TRIO: variants seen among roughly 807,000 people sequenced by gnomAD.
TRIO encodes the protein trio Rho guanine nucleotide exchange factor.
In TRIO, 58 loss-of-function variants were observed where a neutral mutation model predicts 351.9. The ratio of observed to expected loss-of-function variants is 0.16; its 90% CI spans 0.13 to 0.21. The LOEUF is 0.21. Ranked by LOEUF, TRIO falls within the 10% of genes least tolerant of loss-of-function variation. TRIO has a pLI of 1.00. For missense variants in TRIO, 3,201 were observed against 4,027.8 expected, an observed-to-expected ratio of 0.79 and a Z score of 5.56; for synonymous variants, 1,758 against 1,595.7, an observed-to-expected ratio of 1.10 and a Z score of -2.42.
In TRIO at chr5:14,381,113, A is replaced by G; in HGVS notation, c.3448-17A>G. 1 of 1,610,842 alleles carries G rather than the reference A, an allele frequency of 6.2e-7. No individual in the cohort carries two copies. Among genetic ancestry groups the G allele is most frequent in the Non-Finnish European group, 8.5e-7 (1 of 1,178,636 alleles). On this transcript the variant is annotated splice_polypyrimidine_tract_variant and intron_variant, in intron 20 of 56. Transcript: ENST00000344204. ...AATGTGTAGCCCTCTGACTCCATTC[A>G]TTCCTTCCCCTTCCAGGCTTTGGAA... is the stretch of plus-strand genomic sequence containing the variant.
chr5:14,377,668 GA>G (rs1424038876), intron 19 of TRIO, among the ~76,000 whole-genome samples: 3 of 151,982 alleles, frequency 2.0e-5, no homozygotes, highest in Non-Finnish European at 4.4e-5. Context: ...AAAAAATGCT[GA>G]TTTTTTTTCA....
At chr5:14,161,014 G>A (rs965049872) in intron 1 of TRIO, among the ~76,000 whole-genome samples, 1 of 152,096 alleles carries the variant, frequency 6.6e-6, no homozygotes, top group Admixed American at 6.5e-5. Flanking sequence ...GGGTTCAAGC[G>A]ATTCTCCTGC....
In TRIO at chr5:14,488,257, C is replaced by T. The variant is rs926932156; in HGVS notation, c.7629C>T (p.Asn2543=). 3.2e-6 allele frequency: 5 copies of T among 1,565,300 alleles called. No homozygotes were observed. The highest frequency in any genetic ancestry group is 4.3e-6 in the Non-Finnish European group (5 of 1,162,102). ...SEQSVQSTQS[N]GSESSSSSNI... is the part of the protein sequence containing the mutation. ...AGTCCGTGCAGTCCACCCAGAGCAACGGGGTAAGCGCGTCGGGGGGCCCGC... is the reference window on the plus strand; with the variant it reads ...AGTCCGTGCAGTCCACCCAGAGCAATGGGGTAAGCGCGTCGGGGGGCCCGC... The change falls in exon 48 of 57, where the codon AAC becomes AAT. Residue 2543 remains asparagine (N), a synonymous_variant. Transcript: ENST00000344204.
At chr5:14,424,826 T>C (rs752100078) in intron 34 of TRIO, among the ~76,000 whole-genome samples, 1 of 152,242 alleles carries the variant, frequency 6.6e-6, no homozygotes, top group Non-Finnish European at 1.5e-5. Flanking sequence ...ATGTTGACTT[T>C]TCTGTGGGTC....
chr5:14,378,669 C>T (rs183153013), intron 20 of TRIO, among the ~76,000 whole-genome samples: 42 of 152,022 alleles, frequency 2.8e-4, no homozygotes, highest in Admixed American at 2.4e-3. Flanking sequence ...AAGTGATTCT[C>T]CTGCCTCAGC....
Position 14,508,512 on chromosome 5 carries a change from C to A in TRIO, c.*90C>A. On this transcript the variant is annotated 3_prime_UTR_variant, in exon 57 of 57. Transcript: ENST00000344204. ...GAGAAAACAAGCAAACATAACTGAT[C>A]AGCTGCCGGTATGTTCATCGTGTGA... 1.4e-6 allele frequency: 2 copies of A among 1,446,164 alleles called. No homozygotes were observed. Among genetic ancestry groups the A allele is most frequent in the South Asian group, 1.4e-5 (1 of 73,178 alleles). 89.6% of individuals were successfully genotyped at this position (1,446,164 alleles called of 1,614,324 possible). A position where few individuals can be genotyped will look rare whatever the true frequency, so the allele number is the denominator to read the frequency against.
At chr5:14,158,522 G>T (rs1393930076) in intron 1 of TRIO, among the ~76,000 whole-genome samples, 5 of 152,178 alleles carry the variant, frequency 3.3e-5, no homozygotes, top group Admixed American at 1.3e-4. Flanking sequence ...TGAGCTAATG[G>T]AGATGTTTTG....
intron 1 of TRIO, among the ~76,000 whole-genome samples, chr5:14,149,820 C>T (rs1206519934): frequency 6.6e-6 from 1 of 152,222 alleles, no homozygotes; most frequent in Non-Finnish European, 1.5e-5. Context: ...AGCAGTTACA[C>T]TGACAGAGAA....
At chr5:14,457,893 C>T (rs1032878699) in intron 34 of TRIO, among the ~76,000 whole-genome samples, 2 of 152,110 alleles carry the variant, frequency 1.3e-5, no homozygotes, top group Non-Finnish European at 2.9e-5. Flanking sequence ...TATGCCAACT[C>T]CCCCCAAGTT....
chr5:14,282,138 G>C (rs1250761149), intron 3 of TRIO, among the ~76,000 whole-genome samples: 1 of 152,190 alleles, frequency 6.6e-6, no homozygotes, highest in African/African-American at 2.4e-5. Flanking sequence ...TACTTATCTG[G>C]AGTAAGTTTT....
intron 21 of TRIO, among the ~76,000 whole-genome samples, chr5:14,384,557 A>G (rs1206882494): frequency 3.3e-5 from 5 of 152,204 alleles, no homozygotes. Flanking sequence ...ATTTTTTTTA[A>G]TGATGTTTTC....
At chr5:14,417,905 C>G (rs1426631139) in intron 33 of TRIO, among the ~76,000 whole-genome samples, 1 of 152,242 alleles carries the variant, frequency 6.6e-6, no homozygotes, top group Non-Finnish European at 1.5e-5. Flanking sequence ...AGACCCACTC[C>G]TAACAGCTTC....
At chr5:14,196,989 A>T (rs1790814583) in intron 1 of TRIO, among the ~76,000 whole-genome samples, 1 of 152,212 alleles carries the variant, frequency 6.6e-6, no homozygotes, top group South Asian at 2.1e-4. Context: ...GAGTGCTGTG[A>T]TTACTGCCTG....
Position 14,364,786 on chromosome 5 carries a change from G to A in TRIO, c.2724G>A (p.Gln908=). The part of the protein sequence containing the change: ...QHRKHLEQCV[Q]LRHLQAEVKQ... ...GGAAACACCTGGAGCAGTGCGTGCAGCTGCGCCACCTGCAGGCAGAAGTGA... is the reference window on the plus strand; with the variant it reads ...GGAAACACCTGGAGCAGTGCGTGCAACTGCGCCACCTGCAGGCAGAAGTGA... Residue 908 remains glutamine (Q), a synonymous_variant, in exon 15 of 57, where the codon CAG becomes CAA. Coordinates refer to ENST00000344204, the MANE Select transcript of TRIO (RefSeq NM_007118.4). 1 of 1,611,522 alleles carries A rather than the reference G, an allele frequency of 6.2e-7. No individual in the cohort carries two copies. The highest frequency in any genetic ancestry group is 8.5e-7 in the Non-Finnish European group (1 of 1,179,634).
chr5:14,394,124 T>C lies in TRIO; in HGVS notation c.4305T>C (p.Leu1435=), dbSNP rs751733129. The C allele has an allele frequency of 1.9e-6, 3 of 1,606,170 alleles. No individual in the cohort carries two copies. Among genetic ancestry groups the C allele is most frequent in the Non-Finnish European group, 2.6e-6 (3 of 1,173,906 alleles). The stretch of plus-strand genomic sequence containing the variant: ...AGCGAATAACGAAGTATCAGCTCCT[T>C]TTAAAAGTATGTATAATGCGTCTTC... ...PVQRITKYQL[L]LKELLTCCEE... The change falls in exon 28 of 57, where the codon CTT becomes CTC. Residue 1435 remains leucine (L), a synonymous_variant. Transcript: ENST00000344204.
Position 14,181,827 on chromosome 5 carries a change from G to A in TRIO, c.157+37945G>A, listed in dbSNP as rs143086537. 4.7e-4 allele frequency among the ~76,000 whole-genome samples: 71 copies of A among 152,180 alleles called. No homozygotes were observed. The East Asian group carries it at 0.011, about 23-fold the overall frequency. On this transcript the variant is annotated intron_variant, in intron 1 of 56. Coordinates refer to ENST00000344204, the MANE Select transcript of TRIO (RefSeq NM_007118.4). Reference sequence around the variant, plus strand: ...ACCACATGGTGGCCACGCCCCTCCCGGCCTGGGCTCTTTTGCATCCCCACT... The same window carrying A: ...ACCACATGGTGGCCACGCCCCTCCCAGCCTGGGCTCTTTTGCATCCCCACT...
chr5:14,263,312 ATTAGT>A (rs1795468834), intron 1 of TRIO, among the ~76,000 whole-genome samples: 1 of 152,134 alleles, frequency 6.6e-6, no homozygotes, highest in African/African-American at 2.4e-5. Flanking sequence ...TTTTCAGATA[ATTAGT>A]TTATATCACT....
At chr5:14,316,808 C>A in intron 9 of TRIO, 65 bp downstream of exon 9, 1 of 1,469,374 alleles carries the variant, frequency 6.8e-7, no homozygotes, top group South Asian at 1.2e-5. Context: ...TTAAATACAT[C>A]ATCATATTGG....
intron 1 of TRIO, among the ~76,000 whole-genome samples, chr5:14,175,802 A>G (rs1171031696): frequency 6.6e-6 from 1 of 152,264 alleles, no homozygotes; most frequent in Non-Finnish European, 1.5e-5. Context: ...AATCTGTGCG[A>G]GTCATGAAAA....
Sources: allele counts gnomAD v4.1 joint callset (sites outside exome capture counted in the v4.1 genomes callset), GRCh38; gene constraint gnomAD v4.1.1; transcripts MANE v1.5; gene names NCBI Gene and HGNC (gene_info 2026-07-23, HGNC 2026-07-21).